The following DTX2 variants were observed in gnomAD, a reference collection of about 807,000 sequenced individuals.
DTX2 encodes the protein probable E3 ubiquitin-protein ligase DTX2.
DTX2 carries 29 observed loss-of-function variants against 55.3 expected under a neutral mutation model. The ratio of observed to expected loss-of-function variants is 0.52; its 90% CI spans 0.39 to 0.71. The LOEUF (loss-of-function observed/expected upper bound fraction) is 0.71. Ranked by LOEUF, DTX2 falls within the 30% of genes least tolerant of loss-of-function variation. DTX2 has a pLI of 0.00. For synonymous variants in DTX2, 276 were observed against 340.4 expected (o/e 0.81, Z 2.08); for missense variants, 537 against 822.5 (o/e 0.65, Z 4.25).
intron 2 of DTX2, chr7:76,472,219 A>G (rs1808012887): frequency 6.6e-6 from 1 of 151,042 alleles, no homozygotes; most frequent in African/African-American, 2.5e-5. Context: ...TATTAGTGAA[A>G]CTACACTGGG....
chr7:76,490,995 CTT>C (rs773754831), intron 4 of DTX2, among the ~76,000 whole-genome samples: 4 of 63,366 alleles, frequency 6.3e-5, no homozygotes, highest in African/African-American at 8.8e-5. Context: ...TGAGAACCTG[CTT>C]TTTTTTTTTT....
chr7:76,503,320 A>T (rs1380051020), intron 8 of DTX2, 106 bp from the exon 9 acceptor site: 2 of 1,316,428 alleles, frequency 1.5e-6, no homozygotes, highest in Admixed American at 2.7e-5. Flanking sequence ...ACTCCCTGGG[A>T]TGGTGGCCAG....
At position 76,482,364 on chromosome 7, in the gene DTX2, A is replaced by G. The variant is rs1584181499; in HGVS notation, c.269-144A>G. 5.7e-6 allele frequency: 6 copies of G among 1,053,158 alleles called. No homozygotes were observed. The East Asian group carries it at 1.4e-4, about 25-fold the overall frequency. The allele number at this position is 1,053,158 out of a possible 1,614,324, so 65.2% of individuals were successfully genotyped here. The stretch of plus-strand genomic sequence containing the variant: ...GACAAAGGGGTACCCTGCCTCTAAC[A>G]ATAAATAAATAAACAAATAGCAGCA... On this transcript the variant is annotated intron_variant, in intron 3 of 10. Coordinates refer to ENST00000430490, the MANE Select transcript of DTX2 (RefSeq NM_001102594.3).
At chr7:76,504,928 G>A (rs914216212) in intron 10 of DTX2, among the ~76,000 whole-genome samples, 6 of 152,014 alleles carry the variant, frequency 3.9e-5, no homozygotes, top group African/African-American at 7.2e-5. Flanking sequence ...GCGAAGCCAC[G>A]GAGGTGGAGC....
intron 2 of DTX2, among the ~76,000 whole-genome samples, chr7:76,475,341 C>A (rs1359850011): frequency 1.3e-5 from 2 of 151,314 alleles, no homozygotes; most frequent in African/African-American, 4.9e-5. Flanking sequence ...ACCCTTTGAT[C>A]ATTAAAAAGT....
intron 1 of DTX2, among the ~76,000 whole-genome samples, chr7:76,463,209 C>T (rs1157538480): frequency 2.7e-5 from 4 of 147,538 alleles, no homozygotes; most frequent in South Asian, 2.2e-4. Context: ...ACCTGGGAGG[C>T]GGAGGCTGCA....
rs1260795266 is a variant in DTX2, at chr7:76,482,629, C to G, written c.390C>G (p.Asp130Glu). 5.6e-6 allele frequency: 9 copies of G among 1,613,872 alleles called. No individual in the cohort carries two copies. Among genetic ancestry groups the G allele is most frequent in the Non-Finnish European group, 6.8e-6 (8 of 1,179,822 alleles). The change falls in exon 4 of 11, where the codon GAC becomes GAG. Residue 130 changes from aspartate (D) to glutamate (E), a missense_variant. Coordinates refer to ENST00000430490, the MANE Select transcript of DTX2 (RefSeq NM_001102594.3). ...CTGCCTATGAAGCCAGCGTCTGTGA[C>G]TATCTGGAGCAGCAGGTGGCCAGGG... is the stretch of plus-strand genomic sequence containing the variant. ...SWTAYEASVCDYLEQQVARGN... is the reference protein window; with the variant it reads ...SWTAYEASVCEYLEQQVARGN...
In DTX2 at chr7:76,505,053, G is replaced by T. The variant is rs1196709545; in HGVS notation, c.1642-321G>T. 6.7e-6 allele frequency among the ~76,000 whole-genome samples: 1 copy of T among 149,952 alleles called. No individual in the cohort carries two copies. The highest frequency in any genetic ancestry group is 1.5e-5 in the Non-Finnish European group (1 of 67,298). Reference sequence around the variant, plus strand: ...GGGAGGCCTGGATTCCACCAGGGAGGGTGGGTGGGCGGGCGCTCGTCCAGC... The same window carrying T: ...GGGAGGCCTGGATTCCACCAGGGAGTGTGGGTGGGCGGGCGCTCGTCCAGC... On this transcript the variant is annotated intron_variant, in intron 10 of 10. Transcript: ENST00000430490. This position sits in a 1 kb window ranked among gnomAD's most constrained non-coding sequence, Gnocchi z 4.4.
chr7:76,498,852 TG>T, intron 6 of DTX2, among the ~76,000 whole-genome samples: 1 of 105,576 alleles, frequency 9.5e-6, no homozygotes, highest in Admixed American at 9.0e-5. Flanking sequence ...GTGGGGTGTG[TG>T]GAGGTGAGGG....
At chr7:76,486,998 G>A (rs1810001664) in intron 4 of DTX2, among the ~76,000 whole-genome samples, 1 of 100,828 alleles carries the variant, frequency 9.9e-6, no homozygotes, top group Non-Finnish European at 2.0e-5. Flanking sequence ...ACTTATGATA[G>A]GCCCTCGGTC....
At chr7:76,472,886 C>T (rs1317169509) in intron 2 of DTX2, among the ~76,000 whole-genome samples, 8 of 152,356 alleles carry the variant, frequency 5.3e-5, no homozygotes, top group African/African-American at 1.4e-4. Context: ...AATAGCTTCA[C>T]GTCAAAATTT....
At chr7:76,476,856 G>A (rs1808599969) in intron 2 of DTX2, 1 of 151,322 alleles carries the variant, frequency 6.6e-6, no homozygotes, top group Non-Finnish European at 1.5e-5. Flanking sequence ...TACCCTCCTA[G>A]GGCCTGGGCC....
In DTX2 at chr7:76,502,486, G is replaced by A. The variant is rs1172944602; in HGVS notation, c.1389+30G>A. 4.4e-6 allele frequency: 7 copies of A among 1,605,094 alleles called. 1 individual carries two copies. In the Admixed American group the frequency reaches 1.0e-4, roughly 23 times the overall value. On this transcript the variant is annotated intron_variant, in intron 8 of 10. Coordinates refer to ENST00000430490, the MANE Select transcript of DTX2 (RefSeq NM_001102594.3). ...CCCCACTGGCCCAGGGCGGAGGCGG[G>A]TGGCCCGCCCCCACAGTCCTGAGCT...
chr7:76,482,187 G>A (rs999200006), intron 3 of DTX2, among the ~76,000 whole-genome samples: 4 of 151,030 alleles, frequency 2.6e-5, no homozygotes, highest in African/African-American at 9.8e-5. Context: ...GAAAGTGGCA[G>A]GTGTTGTAGA....
chr7:76,468,448 ATTTTTTTTT>A (rs1202957368), intron 2 of DTX2, among the ~76,000 whole-genome samples: 22 of 37,060 alleles, frequency 5.9e-4, no homozygotes, highest in Non-Finnish European at 8.9e-4. Context: ...GCCCACTGCC[ATTTTTTTTT>A]TTTTTTTTTT....
chr7:76,482,466 GGGATGCTAGCA>G (rs1809341430), intron 3 of DTX2, 31 bp from the exon 4 acceptor site: 1 of 1,531,634 alleles, frequency 6.5e-7, no homozygotes, highest in Non-Finnish European at 8.8e-7. Context: ...CTGTATCTTG[GGGATGCTAGCA>G]GACTAACCTT....
chr7:76,469,409 T>C (rs1384577831), intron 2 of DTX2, among the ~76,000 whole-genome samples: 3 of 128,878 alleles, frequency 2.3e-5, no homozygotes, highest in African/African-American at 8.9e-5. Context: ...TTTTTTTTTT[T>C]TGAGACGGAT....
At chr7:76,471,230 T>C (rs62475632) in intron 2 of DTX2, among the ~76,000 whole-genome samples, 12 of 143,366 alleles carry the variant, frequency 8.4e-5, no homozygotes, top group African/African-American at 2.9e-4. Flanking sequence ...GGCGCGATCT[T>C]GGCTCACTGC....
chr7:76,503,394 C>T (rs773088098), intron 8 of DTX2, 32 bp from the exon 9 acceptor site: 16 of 1,602,722 alleles, frequency 1.0e-5, no homozygotes, highest in Non-Finnish European at 1.3e-5. Context: ...TCTCAGACTG[C>T]CAGCTCAGTG....
Sources: gnomAD v4.1 joint callset for allele counts (sites outside exome capture counted in the v4.1 genomes callset) on GRCh38, gnomAD v4.1.1 for gene constraint, Gnocchi (gnomAD v3.1) non-coding constraint, MANE v1.5 for transcripts, NCBI Gene and HGNC (gene_info 2026-07-23, HGNC 2026-07-21) for gene names.